EFCAB6: variants seen among roughly 807,000 people sequenced by gnomAD.
EFCAB6 encodes EF-hand calcium-binding domain-containing protein 6.
Under a neutral mutation model 169.8 loss-of-function variants are expected in EFCAB6, and 156 were observed. The ratio of observed to expected loss-of-function variants is 0.92; its 90% CI spans 0.81 to 1.05. EFCAB6 has a LOEUF of 1.05. EFCAB6 is among the 50% of genes least tolerant of loss of function. EFCAB6 has a pLI of 0.00. For synonymous variants in EFCAB6, 698 were observed against 676.4 expected, an observed-to-expected ratio of 1.03 and a Z score of -0.50; for missense variants, 1,800 against 1,829.1, an observed-to-expected ratio of 0.98 and a Z score of 0.29.
Position 43,668,963 on chromosome 22 carries a change from G to C in EFCAB6, c.1723C>G (p.Pro575Ala). Residue 575 changes from proline (P) to alanine (A), a missense_variant, in exon 16 of 32, where the codon CCC becomes GCC. By Grantham distance (27) the Pro-to-Ala change is conservative. Transcript: ENST00000262726. ...LLACIGIDGP[P>A]TVSPVLVPKD... is the part of the protein sequence containing the mutation. ...GGAACAAGAACTGGAGAGACAGTGG[G>C]TGGGCCATCAATTCCTATGCATGCC... is the stretch of plus-strand genomic sequence containing the variant. 6.2e-7 allele frequency: 1 copy of C among 1,613,406 alleles called. No homozygotes were observed. The highest frequency in any genetic ancestry group is 8.5e-7 in the Non-Finnish European group (1 of 1,179,698).
intron 23 of EFCAB6, among the ~76,000 whole-genome samples, chr22:43,598,326 A>C (rs947587231): frequency 7.4e-5 from 11 of 148,552 alleles, no homozygotes; most frequent in South Asian, 2.1e-4. Context: ...AAAAAAAAAA[A>C]AAAAAAAAAA....
At chr22:43,734,962 C>G (rs1170552537) in intron 7 of EFCAB6, among the ~76,000 whole-genome samples, 2 of 152,100 alleles carry the variant, frequency 1.3e-5, no homozygotes, top group Non-Finnish European at 2.9e-5. Flanking sequence ...CAGTGCAATG[C>G]GAAAAGCTTG....
chr22:43,621,729 G>GA (rs1241815889), intron 20 of EFCAB6, among the ~76,000 whole-genome samples: 1 of 151,842 alleles, frequency 6.6e-6, no homozygotes, highest in Non-Finnish European at 1.5e-5. Context: ...GAAAAATAGA[G>GA]AAAAATCAAT....
chr22:43,651,845 A>C (rs1039017539), intron 17 of EFCAB6, among the ~76,000 whole-genome samples: 3 of 152,190 alleles, frequency 2.0e-5, no homozygotes, highest in Non-Finnish European at 4.4e-5. Flanking sequence ...TCAGACTTGC[A>C]TGGGGCCTGT....
intron 13 of EFCAB6, among the ~76,000 whole-genome samples, chr22:43,677,514 C>G (rs1222375113): frequency 6.6e-6 from 1 of 152,028 alleles, no homozygotes; most frequent in East Asian, 1.9e-4. Flanking sequence ...GGCGTAGCAG[C>G]ACGTGCCTGT....
chr22:43,774,852 G>C (rs748102738), intron 3 of EFCAB6, among the ~76,000 whole-genome samples: 1 of 151,898 alleles, frequency 6.6e-6, no homozygotes, highest in Non-Finnish European at 1.5e-5. Context: ...AGTCAGCAGG[G>C]CCTGTCCTTG....
rs757236503 is a variant in EFCAB6, at chr22:43,782,147, A to G, written c.139+33T>C. 38 of 1,597,554 alleles carry G rather than the reference A, an allele frequency of 2.4e-5. No individual in the cohort carries two copies. In the Middle Eastern group the frequency reaches 6.7e-4, roughly 28 times the overall value. ...TTAAATACATATAAGTGATATCTAC[A>G]GTTAGTGTTCTTATTTGCTCATGAA... On this transcript the variant is annotated intron_variant, in intron 3 of 31. Transcript: ENST00000262726.
At chr22:43,751,179 C>T (rs2060746472) in intron 6 of EFCAB6, among the ~76,000 whole-genome samples, 1 of 152,318 alleles carries the variant, frequency 6.6e-6, no homozygotes, top group South Asian at 2.1e-4. Context: ...TAATTCTAGT[C>T]TTCAGTGAAG....
intron 6 of EFCAB6, among the ~76,000 whole-genome samples, chr22:43,737,784 CATACACACACACACCTGTGCAT>C (rs1303914261): frequency 1.4e-5 from 2 of 147,444 alleles, no homozygotes; most frequent in African/African-American, 5.3e-5. Context: ...CACACATATT[CATACACACACACACCTGTGCAT>C]ATACTCACAC....
intron 15 of EFCAB6, 73 bp from the exon 16 acceptor site, chr22:43,669,118 T>C (rs2057380816): frequency 2.2e-6 from 3 of 1,357,686 alleles, no homozygotes; most frequent in Non-Finnish European, 2.9e-6. Context: ...CTGCCAAGGG[T>C]TGGTGAAGAT....
intron 6 of EFCAB6, among the ~76,000 whole-genome samples, chr22:43,752,829 G>C (rs943800155): frequency 5.3e-5 from 8 of 152,122 alleles, no homozygotes; most frequent in Admixed American, 1.3e-4. Flanking sequence ...AGTTAACTTG[G>C]AGTCTTCGGT....
chr22:43,662,454 T>C (rs1000616930), intron 17 of EFCAB6, among the ~76,000 whole-genome samples: 3 of 152,096 alleles, frequency 2.0e-5, no homozygotes, highest in Non-Finnish European at 4.4e-5. Context: ...CCAGCCAACA[T>C]CTAAGTGCAG....
At chr22:43,717,069 A>C in intron 8 of EFCAB6, 97 bp from the exon 9 acceptor site, 3 of 1,365,812 alleles carry the variant, frequency 2.2e-6, no homozygotes, top group Admixed American at 3.2e-5. Context: ...GTAAAAAAGG[A>C]AGGCTTGAAT....
chr22:43,581,865 G>A (rs552948479), intron 24 of EFCAB6, among the ~76,000 whole-genome samples: 25 of 152,288 alleles, frequency 1.6e-4, no homozygotes, highest in Non-Finnish European at 3.4e-4. Context: ...TTTCATCAGC[G>A]GGATAAATTG....
chr22:43,656,336 A>G (rs541415997), intron 17 of EFCAB6, among the ~76,000 whole-genome samples: 2 of 152,176 alleles, frequency 1.3e-5, no homozygotes, highest in South Asian at 4.2e-4. Context: ...ATTTGCAGTG[A>G]GCCAAGATTG....
intron 17 of EFCAB6, among the ~76,000 whole-genome samples, chr22:43,648,635 T>C (rs1476783168): frequency 6.6e-6 from 1 of 152,156 alleles, no homozygotes; most frequent in Non-Finnish European, 1.5e-5. Flanking sequence ...GGCGGGATTA[T>C]TCATGCCCCA....
chr22:43,563,952 G>T (rs530615092), intron 26 of EFCAB6, among the ~76,000 whole-genome samples: 92 of 152,318 alleles, frequency 6.0e-4, no homozygotes, highest in African/African-American at 2.2e-3. Flanking sequence ...AGGGCTGTGG[G>T]GGTCCAATCA....
intron 24 of EFCAB6, among the ~76,000 whole-genome samples, chr22:43,582,583 A>G (rs1029524725): frequency 6.6e-6 from 1 of 152,160 alleles, no homozygotes; most frequent in Non-Finnish European, 1.5e-5. Flanking sequence ...ACTCCAGCAA[A>G]AGAAGAATGT....
chr22:43,737,039 T>A (rs1182479166), intron 6 of EFCAB6, among the ~76,000 whole-genome samples: 3 of 151,982 alleles, frequency 2.0e-5, no homozygotes, highest in Admixed American at 1.3e-4. Flanking sequence ...CTTCGCTGCT[T>A]GGCATATATG....
Sources: gnomAD v4.1 joint callset for allele counts (sites outside exome capture counted in the v4.1 genomes callset) on GRCh38, gnomAD v4.1.1 for gene constraint, MANE v1.5 for transcripts, NCBI Gene and HGNC (gene_info 2026-07-23, HGNC 2026-07-21) for gene names.